The following MAP10 variants were observed in gnomAD, a reference collection of about 807,000 sequenced individuals.
MAP10 encodes the protein microtubule-associated protein 10.
Under a neutral mutation model 6.3 loss-of-function variants are expected in MAP10, and 10 were observed. That is an observed-to-expected ratio of 1.58 (90% CI 0.98 to 2.69). The LOEUF is 2.69. Among genes scored for constraint, MAP10 ranks in the 30% most tolerant of loss-of-function variants. The probability of loss-of-function intolerance (pLI) is 0.00; values close to 1 mark genes in which losing one functional copy is unlikely to be tolerated. For synonymous variants in MAP10, 459 were observed against 429.3 expected, an observed-to-expected ratio of 1.07 and a Z score of -0.86; for missense variants, 1,189 against 1,086.5, an observed-to-expected ratio of 1.09 and a Z score of -1.33.
rs554867734 is a variant in MAP10, at chr1:232,809,175, A to C, written c.*1008A>C. On this transcript the variant is annotated 3_prime_UTR_variant, in exon 1 of 1. Coordinates refer to ENST00000418460, the MANE Select transcript of MAP10 (RefSeq NM_019090.3). ...CTTTGTTTTTATGAAATCCAGTGAT[A>C]ATTTATAATTTATTCCATTGGTTTT... Among the ~76,000 whole-genome samples the C allele has an allele frequency of 1.3e-5, 2 of 152,154 alleles. No individual in the cohort carries two copies. The highest frequency in any genetic ancestry group is 1.3e-4 in the Admixed American group (2 of 15,290).
chr1:232,806,404 G>T lies in MAP10; in HGVS notation c.955G>T (p.Ala319Ser). The T allele has an allele frequency of 6.2e-7, 1 of 1,613,782 alleles. No individual in the cohort carries two copies. Among genetic ancestry groups the T allele is most frequent in the East Asian group, 2.2e-5 (1 of 44,870 alleles). ...CCAAGAAAAACCGCCCCCTGCACAG[G>T]CTAAAATCACCATTGAGCCTCAAAT... is the stretch of plus-strand genomic sequence containing the variant. Reference protein sequence around the residue: ...LTQEKPPPAQAKITIEPQMNA... With the variant: ...LTQEKPPPAQSKITIEPQMNA... The change falls in exon 1 of 1, where the codon GCT becomes TCT. Residue 319 changes from alanine (A) to serine (S), a missense_variant. Coordinates refer to ENST00000418460, the MANE Select transcript of MAP10 (RefSeq NM_019090.3).
rs1386390849 is a variant in MAP10 at position 232,808,236 on chromosome 1, T to C, written c.*69T>C. 1 of 938,770 alleles carries C rather than the reference T, an allele frequency of 1.1e-6. No homozygotes were observed. Among genetic ancestry groups the C allele is most frequent in the African/African-American group, 1.7e-5 (1 of 59,812 alleles). 58.2% of individuals were successfully genotyped at this position (938,770 alleles called of 1,614,324 possible). On this transcript the variant is annotated 3_prime_UTR_variant, in exon 1 of 1. Transcript: ENST00000418460. ...TTAGTGAAAAAAATTTTAAAGCTGT[T>C]TTAGTTCATGAATTATGTGAATAAT...
Position 232,805,698 on chromosome 1 carries a change from G to T in MAP10, c.249G>T (p.Trp83Cys). 1 of 1,604,294 alleles carries T rather than the reference G, an allele frequency of 6.2e-7. No individual in the cohort carries two copies. Among genetic ancestry groups the T allele is most frequent in the Non-Finnish European group, 8.5e-7 (1 of 1,179,166 alleles). Residue 83 changes from tryptophan to cysteine, a missense_variant, in exon 1 of 1, where the codon TGG (tryptophan) becomes TGT (cysteine). By Grantham distance (215) the Trp-to-Cys change is radical. Coordinates refer to ENST00000418460, the MANE Select transcript of MAP10 (RefSeq NM_019090.3). ...DGPGAPAAEP[W>C]PGVIRFGRGK... is the part of the protein sequence containing the mutation. ...CCGGCGCTCCCGCCGCCGAACCGTG[G>T]CCCGGTGTCATCCGCTTCGGTCGCG...
Position 232,805,550 on chromosome 1 carries a change from A to G in MAP10, c.101A>G (p.Glu34Gly). ...CTGCCGTCCCCCGCTGCCGCAGTGG[A>G]GCAGGAGGAGGAAGAGGAGGAAAAG... ...RLLPSPAAAV[E>G]QEEEEEEKEQ... is the part of the protein sequence containing the mutation. The change falls in exon 1 of 1, where the codon GAG becomes GGG. Residue 34 changes from glutamate to glycine, a missense_variant. Transcript: ENST00000418460. The G allele has an allele frequency of 6.4e-7, 1 of 1,559,960 alleles. No homozygotes were observed. The highest frequency in any genetic ancestry group is 8.7e-7 in the Non-Finnish European group (1 of 1,152,282).
Position 232,807,184 on chromosome 1 carries a change from A to G in MAP10, c.1735A>G (p.Ile579Val), listed in dbSNP as rs1237456745. Residue 579 changes from isoleucine to valine, a missense_variant, in exon 1 of 1, where the codon ATC becomes GTC. Transcript: ENST00000418460. ...TGAAAATAGTGATACCTCAAGACAA[A>G]TCAGTGGAGTTTTTGATGAGCCCAG... is the stretch of plus-strand genomic sequence containing the variant. ...FTENSDTSRQ[I>V]SGVFDEPSTS... 1 of 1,613,532 alleles carries G rather than the reference A, an allele frequency of 6.2e-7. No homozygotes were observed. The highest frequency in any genetic ancestry group is 8.5e-7 in the Non-Finnish European group (1 of 1,179,620).
rs778033166 is a variant in MAP10 at position 232,807,244 on chromosome 1, G to C, written c.1795G>C (p.Glu599Gln). The C allele has an allele frequency of 9.3e-6, 15 of 1,612,430 alleles. 1 individual carries two copies. The South Asian group carries it at 1.7e-4, about 18-fold the overall frequency. Residue 599 changes from glutamate to glutamine, a missense_variant, in exon 1 of 1, where the codon GAA becomes CAA. Transcript: ENST00000418460. The stretch of plus-strand genomic sequence containing the variant: ...AGAAACTAAACTGAAATATGCAACT[G>C]AAAAAAAGACAGTTGATTGTAGTAA... ...SKETKLKYAT[E>Q]KKTVDCSKNR...
the MAP10 span, chr1:232,805,654 GT>G: frequency 1.3e-6 from 2 of 1,592,630 alleles, no homozygotes. Flanking sequence ...CACGCTGTTG[GT>G]TTACCCTCCT....
In MAP10 at chr1:232,807,334, A is replaced by G; in HGVS notation, c.1885A>G (p.Arg629Gly). ...TCCTGCAAATTCCATTATTCCAGAA[A>G]GGCTTACCCCTACAAATATTCTGGG... The part of the protein sequence containing the change: ...VSPANSIIPE[R>G]LTPTNILGGN... Residue 629 changes from arginine to glycine, a missense_variant, in exon 1 of 1, where the codon AGG becomes GGG. Arg to Gly is a moderately radical substitution (Grantham distance 125, BLOSUM62 -2). Coordinates refer to ENST00000418460, the MANE Select transcript of MAP10 (RefSeq NM_019090.3). The G allele has an allele frequency of 1.2e-5, 19 of 1,613,912 alleles. No individual in the cohort carries two copies. The highest frequency in any genetic ancestry group is 1.6e-5 in the Non-Finnish European group (19 of 1,179,842).
At position 232,808,592 on chromosome 1, in the gene MAP10, G is replaced by T. The variant is rs1666147773; in HGVS notation, c.*425G>T. Among the ~76,000 whole-genome samples, 1 of 152,134 alleles carries T rather than the reference G, an allele frequency of 6.6e-6. No homozygotes were observed. Among genetic ancestry groups the T allele is most frequent in the African/African-American group, 2.4e-5 (1 of 41,450 alleles). On this transcript the variant is annotated 3_prime_UTR_variant, in exon 1 of 1. Coordinates refer to ENST00000418460, the MANE Select transcript of MAP10 (RefSeq NM_019090.3). ...AGGTGCAGAATCTATTTATGATAGA[G>T]CCCTGCTGTTTTAAAAGCTTACAGT... is the stretch of plus-strand genomic sequence containing the variant.
chr1:232,805,426 G>T lies in MAP10; in HGVS notation c.-24G>T. The stretch of plus-strand genomic sequence containing the variant: ...CAGCTTCTCGTTTGCGGAGCCCGCG[G>T]CGGCGTTTCCTGGGGCAACAGCAAT... On this transcript the variant is annotated 5_prime_UTR_variant, in exon 1 of 1. Transcript: ENST00000418460. The T allele has an allele frequency of 1.2e-6, 2 of 1,612,680 alleles. No homozygotes were observed. The highest frequency in any genetic ancestry group is 1.7e-5 in the Admixed American group (1 of 59,886).
At position 232,806,735 on chromosome 1, in the gene MAP10, C is replaced by T; in HGVS notation, c.1286C>T (p.Thr429Ile). 1 of 1,613,848 alleles carries T rather than the reference C, an allele frequency of 6.2e-7. No individual in the cohort carries two copies. Among genetic ancestry groups the T allele is most frequent in the East Asian group, 2.2e-5 (1 of 44,888 alleles). The change falls in exon 1 of 1, where the codon ACT becomes ATT. Residue 429 changes from threonine (T) to isoleucine (I), a missense_variant. Transcript: ENST00000418460. ...CCTCACCTAGCCTGGTTATATAGGA[C>T]TGAGGATAAGAAGTCACCCGAATCT... ...IHPHLAWLYRTEDKKSPESSA... is the reference protein window; with the variant it reads ...IHPHLAWLYRIEDKKSPESSA...
Position 232,807,194 on chromosome 1 carries a change from T to C in MAP10, c.1745T>C (p.Val582Ala), listed in dbSNP as rs200170564. ...NSDTSRQISG[V>A]FDEPSTSKET... ...GATACCTCAAGACAAATCAGTGGAGTTTTTGATGAGCCCAGCACAAGTAAA... is the reference window on the plus strand; with the variant it reads ...GATACCTCAAGACAAATCAGTGGAGCTTTTGATGAGCCCAGCACAAGTAAA... Residue 582 changes from valine to alanine, a missense_variant, in exon 1 of 1, where the codon GTT (valine) becomes GCT (alanine). Physicochemically the swap from Val to Ala is moderately conservative, Grantham distance 64 (BLOSUM62 0). Coordinates refer to ENST00000418460, the MANE Select transcript of MAP10 (RefSeq NM_019090.3). 38 of 1,613,058 alleles carry C rather than the reference T, an allele frequency of 2.4e-5. No individual in the cohort carries two copies. The highest frequency in any genetic ancestry group is 3.2e-5 in the Non-Finnish European group (38 of 1,179,570).
At position 232,805,554 on chromosome 1, in the gene MAP10, G is replaced by GGAGGAGGAA. The variant is rs770285325; in HGVS notation, c.115_123dup (p.Glu39_Glu41dup). The GGAGGAGGAA allele has an allele frequency of 1.5e-5, 23 of 1,559,320 alleles. No individual in the cohort carries two copies. Among genetic ancestry groups the GGAGGAGGAA allele is most frequent in the Admixed American group, 3.9e-5 (2 of 51,644 alleles). ...CGTCCCCCGCTGCCGCAGTGGAGCA[G>GGAGGAGGAA]GAGGAGGAAGAGGAGGAAAAGGAGC... On this transcript the variant is annotated inframe_insertion, in exon 1 of 1. Coordinates refer to ENST00000418460, the MANE Select transcript of MAP10 (RefSeq NM_019090.3).
chr1:232,805,508 G>C lies in MAP10; in HGVS notation c.59G>C (p.Arg20Pro), dbSNP rs755974630. 2.5e-6 allele frequency: 4 copies of C among 1,572,168 alleles called. No homozygotes were observed. In the South Asian group the frequency reaches 3.5e-5, roughly 14 times the overall value. ...CTGGAGCTGCTGGTGGACTGGGTGC[G>C]TTTGGAAGCCCGGCTGCTGCCGTCC... Reference protein sequence around the residue: ...FSLELLVDWVRLEARLLPSPA... With the variant: ...FSLELLVDWVPLEARLLPSPA... Residue 20 changes from arginine (R) to proline (P), a missense_variant, in exon 1 of 1, where the codon CGT (arginine) becomes CCT (proline). By Grantham distance (103) the Arg-to-Pro change is moderately radical. Coordinates refer to ENST00000418460, the MANE Select transcript of MAP10 (RefSeq NM_019090.3).
chr1:232,805,425 G>C lies in MAP10; in HGVS notation c.-25G>C, dbSNP rs757977971. Reference sequence around the variant, plus strand: ...TCAGCTTCTCGTTTGCGGAGCCCGCGGCGGCGTTTCCTGGGGCAACAGCAA... The same window carrying C: ...TCAGCTTCTCGTTTGCGGAGCCCGCCGCGGCGTTTCCTGGGGCAACAGCAA... On this transcript the variant is annotated 5_prime_UTR_variant, in exon 1 of 1. Transcript: ENST00000418460. The C allele has an allele frequency of 2.5e-6, 4 of 1,612,540 alleles. No homozygotes were observed. The highest frequency in any genetic ancestry group is 2.2e-5 in the South Asian group (2 of 90,958).
the MAP10 span, chr1:232,806,464 G>GA: frequency 1.9e-6 from 3 of 1,613,766 alleles, no homozygotes; most frequent in South Asian, 2.2e-5. Flanking sequence ...TGCTTCTCCT[G>GA]AAAAAAAGCG....
chr1:232,808,136 TAATA>T, the MAP10 span: 11 of 1,581,148 alleles, frequency 7.0e-6, no homozygotes, highest in African/African-American at 9.4e-5. Context: ...TGTGAATTAG[TAATA>T]AATAAACTTC....
rs1339618087 is a variant in MAP10, at chr1:232,807,537, A to G, written c.2088A>G (p.Ser696=). The G allele has an allele frequency of 5.6e-6, 9 of 1,613,098 alleles. No homozygotes were observed. The highest frequency in any genetic ancestry group is 7.6e-6 in the Non-Finnish European group (9 of 1,179,378). Residue 696 remains serine, a synonymous_variant, in exon 1 of 1, where the codon TCA becomes TCG. Coordinates refer to ENST00000418460, the MANE Select transcript of MAP10 (RefSeq NM_019090.3). ...TGKNSCYENI[S]ELKYSDDLSS... ...AAAATAGTTGCTATGAAAACATCTC[A>G]GAACTGAAGTATTCAGATGATTTGT...
chr1:232,806,646 T>A lies in MAP10; in HGVS notation c.1197T>A (p.Asn399Lys). The A allele has an allele frequency of 6.2e-7, 1 of 1,613,998 alleles. No individual in the cohort carries two copies. The highest frequency in any genetic ancestry group is 8.5e-7 in the Non-Finnish European group (1 of 1,179,894). The change falls in exon 1 of 1, where the codon AAT (asparagine) becomes AAA (lysine). Residue 399 changes from asparagine to lysine, a missense_variant. Transcript: ENST00000418460. ...CAATAAGGCAGTTGCCTTTGTTAAA[T>A]GCTTTGTTAGTTGAGTTGTCCTTGT... is the stretch of plus-strand genomic sequence containing the variant. ...INTIRQLPLL[N>K]ALLVELSLLY...
Sources: gnomAD v4.1 joint callset for allele counts (sites outside exome capture counted in the v4.1 genomes callset) on GRCh38, gnomAD v4.1.1 for gene constraint, MANE v1.5 for transcripts, NCBI Gene and HGNC (gene_info 2026-07-23, HGNC 2026-07-21) for gene names.